The following CDKAL1 variants were observed in gnomAD, a reference collection of about 807,000 sequenced individuals.
The protein encoded by CDKAL1 is CDKAL1 threonylcarbamoyladenosine tRNA methylthiotransferase, also known as threonylcarbamoyladenosine tRNA methylthiotransferase.
A neutral mutation model predicts 68.2 loss-of-function variants in CDKAL1; 32 were observed. That is an observed-to-expected ratio of 0.47 (90% confidence interval 0.35 to 0.63). The LOEUF (loss-of-function observed/expected upper bound fraction) is 0.63, where lower values mean the gene tolerates loss of function less well. CDKAL1 is among the 30% of genes least tolerant of loss of function. CDKAL1 has a pLI of 0.00. For synonymous variants in CDKAL1, 234 were observed against 244.3 expected (o/e 0.96, Z 0.39); for missense variants, 606 against 696.7 (o/e 0.87, Z 1.47).
At chr6:20,892,043 A>C (rs1031295656) in intron 9 of CDKAL1, among the ~76,000 whole-genome samples, 14 of 152,160 alleles carry the variant, frequency 9.2e-5, no homozygotes, top group African/African-American at 3.4e-4. Flanking sequence ...ATCTGTATTA[A>C]AAATAAGTGT....
In CDKAL1 at chr6:20,846,196, T is replaced by A; in HGVS notation, c.742+18T>A. 2.8e-6 allele frequency: 4 copies of A among 1,442,166 alleles called. No individual in the cohort carries two copies. The highest frequency in any genetic ancestry group is 2.9e-6 in the Non-Finnish European group (3 of 1,029,104). The allele number at this position is 1,442,166 out of a possible 1,614,324, so 89.3% of individuals were successfully genotyped here. On this transcript the variant is annotated intron_variant, in intron 9 of 15. Coordinates refer to ENST00000274695, the MANE Select transcript of CDKAL1 (RefSeq NM_017774.3). ...TTTTCAAGGTAAGAGTTTCTAGAAT[T>A]ATATGTGAAATTAGTCTTCTTAATA...
Position 20,609,221 on chromosome 6 carries a change from TCTTCTTTCTTC to T in CDKAL1, c.287-40065_287-40055del, listed in dbSNP as rs757600457. The stretch of plus-strand genomic sequence containing the variant: ...CTCTTGGAGCACCTTTTTATTTTCT[TCTTCTTTCTTC>T]CTTCTTCCTTCCTTCTTCTTCCTCC... On this transcript the variant is annotated intron_variant, in intron 4 of 15. Coordinates refer to ENST00000274695, the MANE Select transcript of CDKAL1 (RefSeq NM_017774.3). Among the ~76,000 whole-genome samples, 256 of 151,250 alleles carry T rather than the reference TCTTCTTTCTTC, an allele frequency of 1.7e-3. 2 individuals carry two copies. Among genetic ancestry groups the T allele is most frequent in the Middle Eastern group, 6.8e-3 (2 of 292 alleles).
chr6:20,779,061 A>G (rs1775302526), intron 7 of CDKAL1, among the ~76,000 whole-genome samples: 1 of 152,188 alleles, frequency 6.6e-6, no homozygotes, highest in African/African-American at 2.4e-5. Context: ...ATTCCTCACT[A>G]TGGAAATGAG....
chr6:20,799,241 G>A lies in CDKAL1; in HGVS notation c.638+17976G>A, dbSNP rs575061634. On this transcript the variant is annotated intron_variant, in intron 8 of 15. Coordinates refer to ENST00000274695, the MANE Select transcript of CDKAL1 (RefSeq NM_017774.3). The stretch of plus-strand genomic sequence containing the variant: ...CTAATTTTGTATTTTTAGTAGAGAC[G>A]GGGTTTCTCCATGTTGGTCAGGTTG... 3.3e-5 allele frequency among the ~76,000 whole-genome samples: 5 copies of A among 151,738 alleles called. No homozygotes were observed. In the South Asian group the frequency reaches 8.4e-4, roughly 25 times the overall value.
At chr6:21,217,749 C>T (rs1007833006) in intron 15 of CDKAL1, among the ~76,000 whole-genome samples, 10 of 152,148 alleles carry the variant, frequency 6.6e-5, no homozygotes, top group Admixed American at 2.6e-4. Context: ...CCACCCGCCT[C>T]GGCCTCCCAA....
intron 5 of CDKAL1, among the ~76,000 whole-genome samples, chr6:20,680,320 G>A (rs1770318722): frequency 1.3e-5 from 2 of 152,180 alleles, no homozygotes; most frequent in Admixed American, 1.3e-4. Flanking sequence ...GCATGCTTCA[G>A]CCTCCCAAAG....
rs1035451227 is a variant in CDKAL1, at chr6:20,597,002, C to G, written c.286+48297C>G. ...GTCTAACCAGGCCCGTTGAGATGAG[C>G]CTGGCACCTCAGTTGGAAACGCAGA... On this transcript the variant is annotated intron_variant, in intron 4 of 15. Coordinates refer to ENST00000274695, the MANE Select transcript of CDKAL1 (RefSeq NM_017774.3). Among the ~76,000 whole-genome samples, 3 of 152,318 alleles carry G rather than the reference C, an allele frequency of 2.0e-5. No homozygotes were observed. In the East Asian group the frequency reaches 5.8e-4, roughly 29 times the overall value.
At chr6:21,188,116 C>T (rs1042317656) in intron 13 of CDKAL1, among the ~76,000 whole-genome samples, 4 of 152,056 alleles carry the variant, frequency 2.6e-5, no homozygotes, top group East Asian at 1.9e-4. Context: ...TGTAAAGGCT[C>T]TTCATATTAT....
At chr6:21,069,804 T>TTTTTTAAA (rs60342057) in intron 12 of CDKAL1, among the ~76,000 whole-genome samples, 7 of 85,516 alleles carry the variant, frequency 8.2e-5, no homozygotes, top group South Asian at 4.4e-4. Flanking sequence ...TTTTTTTTTT[T>TTTTTTAAA]AAAACAGAGC....
At chr6:21,053,527 T>C (rs968512815) in intron 11 of CDKAL1, among the ~76,000 whole-genome samples, 4 of 152,202 alleles carry the variant, frequency 2.6e-5, no homozygotes, top group Non-Finnish European at 5.9e-5. Context: ...TGTTTAACTA[T>C]TTAAGAAACT....
chr6:20,714,217 T>A (rs775235903), intron 5 of CDKAL1, among the ~76,000 whole-genome samples: 36 of 151,840 alleles, frequency 2.4e-4, no homozygotes, highest in Admixed American at 1.2e-3. Context: ...AATGTTCAGT[T>A]GATCCAGAAG....
chr6:20,717,081 G>A (rs565452448), intron 5 of CDKAL1, among the ~76,000 whole-genome samples: 1 of 152,182 alleles, frequency 6.6e-6, no homozygotes, highest in Non-Finnish European at 1.5e-5. Context: ...GGAACTGGTG[G>A]TTGTTCTGAT....
intron 10 of CDKAL1, among the ~76,000 whole-genome samples, chr6:20,960,966 T>G (rs1765027683): frequency 6.6e-6 from 1 of 152,240 alleles, no homozygotes; most frequent in Non-Finnish European, 1.5e-5. Flanking sequence ...CTCTTCCTGC[T>G]TGTTAACTTA....
At chr6:21,111,853 A>G (rs779801345) in intron 13 of CDKAL1, among the ~76,000 whole-genome samples, 12 of 152,216 alleles carry the variant, frequency 7.9e-5, no homozygotes, top group Admixed American at 3.9e-4. Flanking sequence ...GTTAACTCCC[A>G]TTTATCTGTC....
In CDKAL1 at chr6:21,023,714, G is replaced by A. The variant is rs1003089498; in HGVS notation, c.1055+23342G>A. ...CCTGATTTTTATTTTACTTTCCAAT[G>A]TGGTTTTCATTTATCTTAGAACAGT... is the stretch of plus-strand genomic sequence containing the variant. On this transcript the variant is annotated intron_variant, in intron 11 of 15. Transcript: ENST00000274695. Among the ~76,000 whole-genome samples the A allele has an allele frequency of 2.0e-5, 3 of 152,072 alleles. No individual in the cohort carries two copies. The East Asian group carries it at 5.8e-4, about 29-fold the overall frequency.
chr6:20,579,778 T>C (rs1241441525), intron 4 of CDKAL1, among the ~76,000 whole-genome samples: 2 of 152,226 alleles, frequency 1.3e-5, no homozygotes, highest in Admixed American at 6.5e-5. Flanking sequence ...CTAGGGATGA[T>C]GCTGGTTGAG....
intron 8 of CDKAL1, chr6:20,799,816 A>T (rs1328274002): frequency 1.3e-5 from 2 of 152,228 alleles, no homozygotes; most frequent in Non-Finnish European, 2.9e-5. Flanking sequence ...ATTTGTCTTG[A>T]TGCTTTGAGT....
At chr6:20,567,640 G>A (rs1764513316) in intron 4 of CDKAL1, among the ~76,000 whole-genome samples, 1 of 151,836 alleles carries the variant, frequency 6.6e-6, no homozygotes, top group Admixed American at 6.6e-5. Context: ...GAAGATTTGG[G>A]GTCTTGCTCC....
chr6:20,933,366 G>A (rs1763557346), intron 9 of CDKAL1, among the ~76,000 whole-genome samples: 1 of 152,180 alleles, frequency 6.6e-6, no homozygotes, highest in Admixed American at 6.5e-5. Context: ...AGCCAAATAG[G>A]TGGCACTGTC....
Sources: gnomAD v4.1 joint callset for allele counts (sites outside exome capture counted in the v4.1 genomes callset) on GRCh38, gnomAD v4.1.1 for gene constraint, MANE v1.5 for transcripts, NCBI Gene and HGNC (gene_info 2026-07-23, HGNC 2026-07-21) for gene names.